Variants in NKAIN2 observed in about 807,000 individuals in gnomAD.
NKAIN2 encodes the protein sodium/potassium-transporting ATPase subunit beta-1-interacting protein 2.
In NKAIN2, 14 loss-of-function variants were observed where a neutral mutation model predicts 32.6. The ratio of observed to expected loss-of-function variants is 0.43; its 90% CI spans 0.28 to 0.67. NKAIN2 has a LOEUF of 0.67. NKAIN2 is among the 30% of genes least tolerant of loss of function. NKAIN2 has a pLI of 0.17. For synonymous variants in NKAIN2, 80 were observed against 87.2 expected (o/e 0.92, Z 0.46); for missense variants, 198 against 258.3 (o/e 0.77, Z 1.60).
At position 124,357,946 on chromosome 6, in the gene NKAIN2, C is replaced by G. The variant is rs7754111; in HGVS notation, c.273+2599C>G. Among the ~76,000 whole-genome samples, 10 of 152,202 alleles carry G rather than the reference C, an allele frequency of 6.6e-5. No homozygotes were observed. The East Asian group carries it at 1.4e-3, about 21-fold the overall frequency. ...CCCCCAACCCGCACGCCACAACAGG[C>G]CCCTGTGTGTGATGTTCCCCTTCCT... On this transcript the variant is annotated intron_variant, in intron 3 of 6. Transcript: ENST00000368417.
chr6:124,258,666 A>G (rs1794070084), intron 1 of NKAIN2, among the ~76,000 whole-genome samples: 1 of 152,240 alleles, frequency 6.6e-6, no homozygotes, highest in Non-Finnish European at 1.5e-5. Context: ...AAATAGGGAA[A>G]ATAACAGTTT....
chr6:124,665,187 A>G (rs1339140883), intron 4 of NKAIN2, among the ~76,000 whole-genome samples: 1 of 152,226 alleles, frequency 6.6e-6, no homozygotes, highest in Non-Finnish European at 1.5e-5. Context: ...TGGAACCACA[A>G]AACACCAGAA....
chr6:124,771,409 C>A (rs1039551472), intron 4 of NKAIN2, among the ~76,000 whole-genome samples: 1 of 151,990 alleles, frequency 6.6e-6, no homozygotes, highest in African/African-American at 2.4e-5. Flanking sequence ...TAGGATATGT[C>A]TTTTACAGAA....
intron 4 of NKAIN2, among the ~76,000 whole-genome samples, chr6:124,664,382 T>C (rs1302403763): frequency 6.6e-6 from 1 of 152,064 alleles, no homozygotes; most frequent in East Asian, 1.9e-4. Context: ...CAATTTTATA[T>C]AACAATAATT....
intron 3 of NKAIN2, among the ~76,000 whole-genome samples, chr6:124,568,025 G>C (rs1425169613): frequency 6.6e-6 from 1 of 152,086 alleles, no homozygotes; most frequent in Non-Finnish European, 1.5e-5. Flanking sequence ...AGCTCTACTA[G>C]TGACAATATA....
chr6:123,924,761 G>A (rs1294481386), intron 1 of NKAIN2, among the ~76,000 whole-genome samples: 1 of 151,918 alleles, frequency 6.6e-6, no homozygotes, highest in Non-Finnish European at 1.5e-5. Context: ...ATAATTTCAT[G>A]ATATCATTAT....
intron 3 of NKAIN2, chr6:124,437,899 C>T: frequency 3.0e-6 from 1 of 333,994 alleles, no homozygotes; most frequent in Non-Finnish European, 5.8e-6. Flanking sequence ...TTTCTTAACC[C>T]CAGGTAACGG....
intron 3 of NKAIN2, among the ~76,000 whole-genome samples, chr6:124,391,639 G>C (rs554414741): frequency 6.6e-6 from 1 of 152,068 alleles, no homozygotes; most frequent in Non-Finnish European, 1.5e-5. Context: ...TGACAACAGA[G>C]TCTAAGGTTA....
chr6:124,095,106 G>A (rs182448785), intron 1 of NKAIN2, among the ~76,000 whole-genome samples: 1 of 152,070 alleles, frequency 6.6e-6, no homozygotes, highest in Non-Finnish European at 1.5e-5. Flanking sequence ...CTGATGATTA[G>A]CATAGTTGAA....
At chr6:124,631,366 CTAGA>C (rs1221094003) in intron 3 of NKAIN2, among the ~76,000 whole-genome samples, 1 of 152,072 alleles carries the variant, frequency 6.6e-6, no homozygotes, top group African/African-American at 2.4e-5. Context: ...TTTGTGTGAA[CTAGA>C]TAGACTGATA....
chr6:124,732,010 G>T (rs758357079), intron 4 of NKAIN2, among the ~76,000 whole-genome samples: 1 of 151,998 alleles, frequency 6.6e-6, no homozygotes, highest in South Asian at 2.1e-4. Context: ...GACTCTAAAA[G>T]CCTACTTTAC....
intron 2 of NKAIN2, among the ~76,000 whole-genome samples, chr6:124,344,775 C>G (rs912805446): frequency 6.6e-6 from 1 of 152,176 alleles, no homozygotes; most frequent in African/African-American, 2.4e-5. Flanking sequence ...ATGTCATCTG[C>G]AAACAGGGAC....
intron 1 of NKAIN2, among the ~76,000 whole-genome samples, chr6:124,036,182 C>T (rs529410125): frequency 9.9e-5 from 15 of 152,164 alleles, no homozygotes; most frequent in African/African-American, 3.6e-4. Context: ...GACTTTTCTC[C>T]ACGCCAGATT....
At chr6:124,725,292 G>T (rs981441068) in intron 4 of NKAIN2, among the ~76,000 whole-genome samples, 5 of 152,026 alleles carry the variant, frequency 3.3e-5, no homozygotes, top group African/African-American at 1.2e-4. Context: ...AAGCTGGAGT[G>T]CAGTGTCATG....
intron 4 of NKAIN2, among the ~76,000 whole-genome samples, chr6:124,725,051 G>A (rs996390290): frequency 5.3e-5 from 8 of 152,090 alleles, no homozygotes; most frequent in African/African-American, 1.9e-4. Context: ...AGGGAATTCC[G>A]ACTTGCCCCT....
chr6:123,889,565 TG>T (rs1582721564), intron 1 of NKAIN2, among the ~76,000 whole-genome samples: 1 of 152,154 alleles, frequency 6.6e-6, no homozygotes, highest in East Asian at 1.9e-4. Flanking sequence ...TTTGGGCCAG[TG>T]GGGAAAGAGT....
intron 2 of NKAIN2, among the ~76,000 whole-genome samples, chr6:124,347,148 T>A (rs1169187892): frequency 1.1e-4 from 17 of 152,220 alleles, no homozygotes; most frequent in Non-Finnish European, 2.9e-5. Context: ...TCTTTAAGAA[T>A]GTTGAATATT....
At chr6:124,188,694 T>C (rs1789868709) in intron 1 of NKAIN2, among the ~76,000 whole-genome samples, 1 of 152,190 alleles carries the variant, frequency 6.6e-6, no homozygotes, top group Non-Finnish European at 1.5e-5. Context: ...CTAAAGTCAA[T>C]CCTTTTTCTG....
chr6:124,660,749 A>T (rs1048015893), intron 4 of NKAIN2, among the ~76,000 whole-genome samples: 1 of 152,220 alleles, frequency 6.6e-6, no homozygotes, highest in African/African-American at 2.4e-5. Context: ...TTACTTGGAG[A>T]AATTTCAACA....
Sources: allele counts gnomAD v4.1 joint callset (sites outside exome capture counted in the v4.1 genomes callset), GRCh38; gene constraint gnomAD v4.1.1; transcripts MANE v1.5; gene names NCBI Gene and HGNC (gene_info 2026-07-23, HGNC 2026-07-21).